Variants in PLXNA4 observed in about 807,000 individuals in gnomAD.
PLXNA4 encodes plexin-A4.
A neutral mutation model predicts 191.8 loss-of-function variants in PLXNA4; 44 were observed. That is an observed-to-expected ratio of 0.23 (90% CI 0.18 to 0.29). PLXNA4 has a LOEUF of 0.29. Among genes scored for constraint, PLXNA4 ranks in the 10% least tolerant of loss-of-function variants. The pLI, the probability that PLXNA4 is intolerant of heterozygous loss-of-function variation, is 1.00. For missense variants in PLXNA4, 1,800 were observed against 2,488.8 expected (o/e 0.72, Z 5.89); for synonymous variants, 1,082 against 1,009.5 (o/e 1.07, Z -1.36).
rs80322003 is a variant in PLXNA4, at chr7:132,594,052, A to G, written c.-87+51876T>C. Among the ~76,000 whole-genome samples, 83 of 152,346 alleles carry G rather than the reference A, an allele frequency of 5.4e-4. 2 individuals carry two copies. In the East Asian group the frequency reaches 6.9e-3, roughly 13 times the overall value. ...AGCTAAGGCAAGTCTATGCCTCTCT[A>G]CTCACTGTTGTGGGTTGAATTGTGT... is the stretch of plus-strand genomic sequence containing the variant. On this transcript the variant is annotated intron_variant, in intron 2 of 4. Transcript: ENST00000378539.
At chr7:132,229,296 C>T (rs1011007151) in intron 5 of PLXNA4, among the ~76,000 whole-genome samples, 2 of 152,186 alleles carry the variant, frequency 1.3e-5, no homozygotes, top group Non-Finnish European at 2.9e-5. Flanking sequence ...CACAAGTGGA[C>T]CATGTCCAGT....
At chr7:132,513,932 T>A (rs939397581) in intron 1 of PLXNA4, among the ~76,000 whole-genome samples, 15 of 152,068 alleles carry the variant, frequency 9.9e-5, no homozygotes, top group African/African-American at 3.1e-4. Flanking sequence ...TGCCTCAGCC[T>A]CCCAAAGTGC....
intron 2 of PLXNA4, among the ~76,000 whole-genome samples, chr7:132,640,835 C>G (rs1241803893): frequency 1.3e-5 from 2 of 151,152 alleles, no homozygotes; most frequent in East Asian, 3.9e-4. Context: ...TCACTTAGAA[C>G]TCTTACACTT....
At chr7:132,344,435 G>T (rs908528484) in intron 3 of PLXNA4, among the ~76,000 whole-genome samples, 4 of 152,178 alleles carry the variant, frequency 2.6e-5, no homozygotes, top group Admixed American at 2.0e-4. Context: ...GTGCAATGGA[G>T]GGCTACCTTA....
chr7:132,273,535 CACTT>C (rs1450982934), intron 4 of PLXNA4, among the ~76,000 whole-genome samples: 7 of 152,226 alleles, frequency 4.6e-5, no homozygotes, highest in Middle Eastern at 3.4e-3. Context: ...GCAAGATCCT[CACTT>C]AGTTATCTGC....
At chr7:132,608,500 GA>G (rs556964726) in intron 2 of PLXNA4, among the ~76,000 whole-genome samples, 18 of 152,294 alleles carry the variant, frequency 1.2e-4, no homozygotes, top group African/African-American at 3.9e-4. Flanking sequence ...GCATTACAGT[GA>G]AAGTGCTCTC....
In PLXNA4 at chr7:132,130,546, T is replaced by G. The variant is rs538648206; in HGVS notation, c.5618A>C (p.Gln1873Pro). 2.3e-5 allele frequency: 37 copies of G among 1,613,998 alleles called. No homozygotes were observed. The highest frequency in any genetic ancestry group is 2.9e-5 in the Non-Finnish European group (34 of 1,180,012). Residue 1873 changes from glutamine (Q) to proline (P), a missense_variant, in exon 32 of 32, where the codon CAG becomes CCG. Transcript: ENST00000321063. ...EILGPLDHDDQCGKQKLAYKL... is the reference protein window; with the variant it reads ...EILGPLDHDDPCGKQKLAYKL... ...GTAGGCCAGTTTCTGCTTCCCACACTGGTCATCGTGGTCCAGAGGTCCAAG... is the reference window on the plus strand; with the variant it reads ...GTAGGCCAGTTTCTGCTTCCCACACGGGTCATCGTGGTCCAGAGGTCCAAG...
intron 3 of PLXNA4, among the ~76,000 whole-genome samples, chr7:132,398,596 G>T (rs1793855767): frequency 6.6e-6 from 1 of 152,202 alleles, no homozygotes; most frequent in South Asian, 2.1e-4. Context: ...CTGGGCTCCA[G>T]GGACGCAGGG....
At position 132,185,384 on chromosome 7, in the gene PLXNA4, T is replaced by C. The variant is rs1796844348; in HGVS notation, c.3073A>G (p.Arg1025Gly). 1.2e-6 allele frequency: 2 copies of C among 1,614,022 alleles called. No individual in the cohort carries two copies. Among genetic ancestry groups the C allele is most frequent in the African/African-American group, 2.7e-5 (2 of 74,942 alleles). Residue 1025 changes from arginine (R) to glycine (G), a missense_variant, in exon 16 of 32, where the codon AGG becomes GGG. Physicochemically the swap from Arg to Gly is moderately radical, Grantham distance 125 (BLOSUM62 -2). Transcript: ENST00000321063. Reference sequence around the variant, plus strand: ...ACCAGGTCCTGGTGGATCTTGGCCCTGTCCACCTGCACCGACACCTTCATC... The same window carrying C: ...ACCAGGTCCTGGTGGATCTTGGCCCCGTCCACCTGCACCGACACCTTCATC... ...LEMKVSVQVDRAKIHQDLVFQ... is the reference protein window; with the variant it reads ...LEMKVSVQVDGAKIHQDLVFQ...
At chr7:132,130,698 C>T (rs901080216) in intron 31 of PLXNA4, 124 bp from the exon 32 acceptor site, 7 of 1,409,666 alleles carry the variant, frequency 5.0e-6, no homozygotes, top group South Asian at 2.6e-5. Flanking sequence ...TGCAGGGGCA[C>T]ACAGGACACT....
chr7:132,137,928 G>A (rs1795160864), intron 30 of PLXNA4, among the ~76,000 whole-genome samples: 2 of 151,314 alleles, frequency 1.3e-5, no homozygotes, highest in Non-Finnish European at 1.5e-5. Context: ...GATGGTGGAA[G>A]GATGGGCGCA....
intron 2 of PLXNA4, among the ~76,000 whole-genome samples, chr7:132,630,086 G>A (rs1445660020): frequency 6.6e-6 from 1 of 152,130 alleles, no homozygotes; most frequent in Non-Finnish European, 1.5e-5. Context: ...TCCTGACCTT[G>A]TGATCCACCT....
At chr7:132,132,410 C>CTGTTCTGTTCTGTTCTGTTCTGT (rs1794961992) in intron 31 of PLXNA4, among the ~76,000 whole-genome samples, 3 of 39,162 alleles carry the variant, frequency 7.7e-5, no homozygotes, top group Admixed American at 3.7e-4. Flanking sequence ...CTGTTCTGTT[C>CTGTTCTGTTCTGTTCTGTTCTGT]TGTTCTGTTC....
intron 3 of PLXNA4, among the ~76,000 whole-genome samples, chr7:132,470,644 C>T (rs936194077): frequency 3.9e-5 from 6 of 152,186 alleles, no homozygotes; most frequent in Admixed American, 6.5e-5. Context: ...TCCAGGTAGG[C>T]ACACTCATAT....
In PLXNA4 at chr7:132,147,995, G is replaced by C. The variant is rs911331057; in HGVS notation, c.4769C>G (p.Pro1590Arg). ...CACTAATGCCACCACGGAACCATCT[G>C]GCACCTACAGGGAAAAAGCTTCTCA... ...RLNTLAHYQV[P>R]DGSVVALVSK... Residue 1590 changes from proline (P) to arginine (R), a missense_variant, in exon 27 of 32, where the codon CCA (proline) becomes CGA (arginine). Coordinates refer to ENST00000321063, the MANE Select transcript of PLXNA4 (RefSeq NM_020911.2). 3 of 1,614,120 alleles carry C rather than the reference G, an allele frequency of 1.9e-6. No individual in the cohort carries two copies. The highest frequency in any genetic ancestry group is 8.5e-7 in the Non-Finnish European group (1 of 1,180,024).
At chr7:132,507,396 C>T (rs1201792068) in intron 2 of PLXNA4, 110 bp downstream of exon 2, 2 of 1,220,422 alleles carry the variant, frequency 1.6e-6, no homozygotes, top group South Asian at 1.6e-5. Flanking sequence ...GGGATATACT[C>T]ACTTCATCTG....
chr7:132,394,039 C>T (rs1389087268), intron 3 of PLXNA4, among the ~76,000 whole-genome samples: 2 of 151,346 alleles, frequency 1.3e-5, no homozygotes, highest in Admixed American at 6.6e-5. Context: ...TTCCCCAATC[C>T]TCTGACAGCC....
rs1355071163 is a variant in PLXNA4 at position 132,151,410 on chromosome 7, A to G, written c.4661-2764T>C. On this transcript the variant is annotated intron_variant, in intron 25 of 31. Coordinates refer to ENST00000321063, the MANE Select transcript of PLXNA4 (RefSeq NM_020911.2). ...GGAGAAAGGAGGAGGAGGAGGAGGA[A>G]GGAGGAGGAGGAGGAGGAGGAAGGA... is the stretch of plus-strand genomic sequence containing the variant. Among the ~76,000 whole-genome samples the G allele has an allele frequency of 7.5e-3, 27 of 3,592 alleles. 1 individual carries two copies. Among genetic ancestry groups the G allele is most frequent in the African/African-American group, 0.015 (13 of 876 alleles). 2.4% of individuals were successfully genotyped at this position (3,592 alleles called of 152,430 possible).
intron 2 of PLXNA4, among the ~76,000 whole-genome samples, chr7:132,641,825 C>A (rs1803748638): frequency 6.6e-6 from 1 of 152,076 alleles, no homozygotes; most frequent in African/African-American, 2.4e-5. Context: ...GGAGGGACGA[C>A]AACATAAGTA....
Sources: allele counts gnomAD v4.1 joint callset (sites outside exome capture counted in the v4.1 genomes callset), GRCh38; gene constraint gnomAD v4.1.1; transcripts MANE v1.5; gene names NCBI Gene and HGNC (gene_info 2026-07-23, HGNC 2026-07-21).